B3GNT4: variants seen among roughly 807,000 people sequenced by gnomAD.
The protein encoded by B3GNT4 is UDP-GlcNAc:betaGal beta-1,3-N-acetylglucosaminyltransferase 4.
A neutral mutation model predicts 2.7 loss-of-function variants in B3GNT4; 2 were observed. The ratio of observed to expected loss-of-function variants is 0.73; its 90% CI spans 0.30 to 2.31. The LOEUF is 2.31. Ranked by LOEUF, B3GNT4 falls within the 30% of genes most tolerant of loss-of-function variation. The pLI is 0.12. For synonymous variants in B3GNT4, 280 were observed against 203.4 expected, an observed-to-expected ratio of 1.38 and a Z score of -3.20; for missense variants, 708 against 490.9, an observed-to-expected ratio of 1.44 and a Z score of -4.18.
chr12:122,207,744 G>GA lies in B3GNT4; in HGVS notation c.*356_*357insA. On this transcript the variant is annotated 3_prime_UTR_variant, in exon 3 of 3. Transcript: ENST00000324189. ...TCTCCTTTGGATACAATAGAGAAACGGAAAGAAAGGAAGGAACAAGAGGCC... is the reference window on the plus strand; with the variant it reads ...TCTCCTTTGGATACAATAGAGAAACGAGAAAGAAAGGAAGGAACAAGAGGCC... 2.0e-6 allele frequency: 1 copy of GA among 490,128 alleles called. No homozygotes were observed. 30.4% of individuals were successfully genotyped at this position (490,128 alleles called of 1,614,324 possible).
intron 2 of B3GNT4, 95 bp downstream of exon 2, chr12:122,204,779 C>A: frequency 9.0e-7 from 1 of 1,109,954 alleles, no homozygotes; most frequent in Non-Finnish European, 1.3e-6. Flanking sequence ...GTGGCTCACG[C>A]CTGTAGTCCC....
Position 122,207,009 on chromosome 12 carries a change from A to G in B3GNT4, c.758A>G (p.Asn253Ser), listed in dbSNP as rs759462178. 4.3e-6 allele frequency: 7 copies of G among 1,614,002 alleles called. 1 individual carries two copies. The Admixed American group carries it at 1.2e-4, about 27-fold the overall frequency. Residue 253 changes from asparagine to serine, a missense_variant, in exon 3 of 3, where the codon AAC becomes AGC. Physicochemically the swap from Asn to Ser is conservative, Grantham distance 46. Transcript: ENST00000324189. ...GATGTCATCCGCCAAGCCCTGCCCA[A>G]CAGGAACACTAAGGTCAAATACTTC... ...VGDVIRQALP[N>S]RNTKVKYFIP...
rs140444368 is a variant in B3GNT4, at chr12:122,206,924, G to A, written c.673G>A (p.Val225Ile). The stretch of plus-strand genomic sequence containing the variant: ...GGGAGATGACGATGTCTTTGTCCAC[G>A]TCCCCAACGTGTTAGAGTTCCTGGA... Reference protein sequence around the residue: ...LKGDDDVFVHVPNVLEFLDGW... With the variant: ...LKGDDDVFVHIPNVLEFLDGW... The change falls in exon 3 of 3, where the codon GTC becomes ATC. Residue 225 changes from valine (V) to isoleucine (I), a missense_variant. Val to Ile is a conservative substitution (Grantham distance 29). Coordinates refer to ENST00000324189, the MANE Select transcript of B3GNT4 (RefSeq NM_030765.4). The A allele has an allele frequency of 6.2e-5, 100 of 1,613,910 alleles. No individual in the cohort carries two copies. The highest frequency in any genetic ancestry group is 7.9e-5 in the Non-Finnish European group (93 of 1,180,016).
In B3GNT4 at chr12:122,206,688, G is replaced by GA. The variant is rs1593160698; in HGVS notation, c.438dup (p.Trp147MetfsTer3). ...CGCAGCACGTGGGGCAGGGTGGGGG[G>GA]ATGGGCTAGGGGCCGGCAGCTGAAG... On this transcript the variant is annotated frameshift_variant, in exon 3 of 3. Coordinates refer to ENST00000324189, the MANE Select transcript of B3GNT4 (RefSeq NM_030765.4). LOFTEE classifies it low-confidence loss of function (END_TRUNC). The GA allele has an allele frequency of 6.2e-7, 1 of 1,612,582 alleles. No individual in the cohort carries two copies. The highest frequency in any genetic ancestry group is 1.1e-5 in the South Asian group (1 of 91,038).
In B3GNT4 at chr12:122,208,433, T is replaced by C. The variant is rs761328867; in HGVS notation, c.*1045T>C. The C allele has an allele frequency of 6.2e-7, 1 of 1,613,836 alleles. No individual in the cohort carries two copies. Among genetic ancestry groups the C allele is most frequent in the Non-Finnish European group, 8.5e-7 (1 of 1,179,986 alleles). On this transcript the variant is annotated 3_prime_UTR_variant, in exon 3 of 3. Coordinates refer to ENST00000324189, the MANE Select transcript of B3GNT4 (RefSeq NM_030765.4). ...CTCCGACTCAGCCCGCTCCTCCCCTTCCTCCTGTGTTTTCTGACGGAGCTC... is the reference window on the plus strand; with the variant it reads ...CTCCGACTCAGCCCGCTCCTCCCCTCCCTCCTGTGTTTTCTGACGGAGCTC...
chr12:122,204,818 T>C, intron 2 of B3GNT4, 134 bp downstream of exon 2: 1 of 720,308 alleles, frequency 1.4e-6, no homozygotes, highest in Non-Finnish European at 2.3e-6. Flanking sequence ...GGCGGGAGGA[T>C]CGCTTGAGGC....
Position 122,206,348 on chromosome 12 carries a change from C to A in B3GNT4, c.97C>A (p.Leu33Met). 6.3e-7 allele frequency: 1 copy of A among 1,594,692 alleles called. No homozygotes were observed. Among genetic ancestry groups the A allele is most frequent in the Non-Finnish European group, 8.5e-7 (1 of 1,170,796 alleles). The change falls in exon 3 of 3, where the codon CTG (leucine) becomes ATG (methionine). Residue 33 changes from leucine (L) to methionine (M), a missense_variant. Physicochemically the swap from Leu to Met is conservative, Grantham distance 15. Coordinates refer to ENST00000324189, the MANE Select transcript of B3GNT4 (RefSeq NM_030765.4). ...GGCGATGCTCTGCAGGCTGTGCTGGCTGGTCTCGTACAGCTTGGCTGTGCT... is the reference window on the plus strand; with the variant it reads ...GGCGATGCTCTGCAGGCTGTGCTGGATGGTCTCGTACAGCTTGGCTGTGCT... Reference protein sequence around the residue: ...GPAMLCRLCWLVSYSLAVLLL... With the variant: ...GPAMLCRLCWMVSYSLAVLLL...
Position 122,208,914 on chromosome 12 carries a change from C to A in B3GNT4, c.*1526C>A. 1 of 388,714 alleles carries A rather than the reference C, an allele frequency of 2.6e-6. No homozygotes were observed. The allele number at this position is 388,714 out of a possible 1,614,324, so 24.1% of individuals were successfully genotyped here. On this transcript the variant is annotated 3_prime_UTR_variant, in exon 3 of 3. Transcript: ENST00000324189. The stretch of plus-strand genomic sequence containing the variant: ...CTACACATCTTCCATTTCTTTTTGA[C>A]AAAGAGATCATGAATAAAATTGTCA...
intron 1 of B3GNT4, among the ~76,000 whole-genome samples, chr12:122,204,029 G>A (rs1213875548): frequency 6.6e-6 from 1 of 151,856 alleles, no homozygotes; most frequent in Non-Finnish European, 1.5e-5. Flanking sequence ...TGGGGACAGA[G>A]GCTGGAGCCG....
Position 122,206,502 on chromosome 12 carries a change from G to T in B3GNT4, c.251G>T (p.Ser84Ile), listed in dbSNP as rs528837547. Residue 84 changes from serine (S) to isoleucine (I), a missense_variant, in exon 3 of 3, where the codon AGC (serine) becomes ATC (isoleucine). Coordinates refer to ENST00000324189, the MANE Select transcript of B3GNT4 (RefSeq NM_030765.4). ...SRCPPNHTVS[S>I]ASLSLPSRHR... is the part of the protein sequence containing the mutation. Reference sequence around the variant, plus strand: ...TGTCCACCCAACCACACAGTGTCTAGCGCCTCTCTGTCCCTGCCTAGCCGT... The same window carrying T: ...TGTCCACCCAACCACACAGTGTCTATCGCCTCTCTGTCCCTGCCTAGCCGT... The T allele has an allele frequency of 2.7e-4, 443 of 1,614,188 alleles. 5 individuals are homozygous for T. In the South Asian group the frequency reaches 4.4e-3, roughly 16 times the overall value.
Position 122,206,687 on chromosome 12 carries a change from G to C in B3GNT4, c.436G>C (p.Gly146Arg). 1.2e-6 allele frequency: 2 copies of C among 1,612,662 alleles called. No homozygotes were observed. Among genetic ancestry groups the C allele is most frequent in the Middle Eastern group, 3.3e-4 (2 of 6,056 alleles). ...CCGCAGCACGTGGGGCAGGGTGGGG[G>C]GATGGGCTAGGGGCCGGCAGCTGAA... The part of the protein sequence containing the change: ...AIRSTWGRVG[G>R]WARGRQLKLV... Residue 146 changes from glycine (G) to arginine (R), a missense_variant, in exon 3 of 3, where the codon GGA (glycine) becomes CGA (arginine). Physicochemically the swap from Gly to Arg is moderately radical, Grantham distance 125 (BLOSUM62 -2). Coordinates refer to ENST00000324189, the MANE Select transcript of B3GNT4 (RefSeq NM_030765.4).
intron 2 of B3GNT4, 59 bp from the exon 3 acceptor site, chr12:122,206,259 C>T: frequency 2.1e-6 from 3 of 1,419,242 alleles, no homozygotes; most frequent in Non-Finnish European, 2.8e-6. Context: ...AACTCCTGCC[C>T]AACTCTTGGG....
At position 122,208,914 on chromosome 12, in the gene B3GNT4, CAAAG is replaced by C. The variant is rs1489560652; in HGVS notation, c.*1528_*1531del. 2.8e-5 allele frequency: 11 copies of C among 388,596 alleles called. No individual in the cohort carries two copies. Among genetic ancestry groups the C allele is most frequent in the Admixed American group, 2.8e-4 (8 of 28,584 alleles). 24.1% of individuals were successfully genotyped at this position (388,596 alleles called of 1,614,324 possible). ...CTACACATCTTCCATTTCTTTTTGA[CAAAG>C]AGATCATGAATAAAATTGTCAAAGA... On this transcript the variant is annotated 3_prime_UTR_variant, in exon 3 of 3. Transcript: ENST00000324189.
chr12:122,207,674 A>G lies in B3GNT4; in HGVS notation c.*286A>G, dbSNP rs1231549847. Reference sequence around the variant, plus strand: ...GAAGGAGGCTGCATAGGACCCCAGGAGAGACGCATTTTCTCTTTCAGATGC... The same window carrying G: ...GAAGGAGGCTGCATAGGACCCCAGGGGAGACGCATTTTCTCTTTCAGATGC... On this transcript the variant is annotated 3_prime_UTR_variant, in exon 3 of 3. Transcript: ENST00000324189. 1.4e-5 allele frequency: 9 copies of G among 630,312 alleles called. No homozygotes were observed. Among genetic ancestry groups the G allele is most frequent in the South Asian group, 4.6e-5 (3 of 65,842 alleles). 39.0% of individuals were successfully genotyped at this position (630,312 alleles called of 1,614,324 possible). A position where few individuals can be genotyped will look rare whatever the true frequency, so the allele number is the denominator to read the frequency against.
chr12:122,207,249 C>A lies in B3GNT4; in HGVS notation c.998C>A (p.Pro333His), dbSNP rs777020107. Residue 333 changes from proline (P) to histidine (H), a missense_variant, in exon 3 of 3, where the codon CCC (proline) becomes CAC (histidine). Coordinates refer to ENST00000324189, the MANE Select transcript of B3GNT4 (RefSeq NM_030765.4). Reference sequence around the variant, plus strand: ...TTCAAGACATTTGGAATCCGGCGGCCCCTGGACCCCTTAGACCCCTGCCTG... The same window carrying A: ...TTCAAGACATTTGGAATCCGGCGGCACCTGGACCCCTTAGACCCCTGCCTG... The part of the protein sequence containing the change: ...AGFKTFGIRR[P>H]LDPLDPCLYR... The A allele has an allele frequency of 1.9e-6, 3 of 1,614,138 alleles. No homozygotes were observed. In the East Asian group the frequency reaches 6.7e-5, roughly 36 times the overall value.
intron 2 of B3GNT4, chr12:122,205,586 G>A (rs890224607): frequency 1.1e-4 from 17 of 152,540 alleles, no homozygotes; most frequent in African/African-American, 4.1e-4. Flanking sequence ...CCACACTGGT[G>A]GATTCTGTCT....
chr12:122,207,200 C>T lies in B3GNT4; in HGVS notation c.949C>T (p.Leu317=). 6.2e-7 allele frequency: 1 copy of T among 1,614,022 alleles called. No individual in the cohort carries two copies. Among genetic ancestry groups the T allele is most frequent in the Non-Finnish European group, 8.5e-7 (1 of 1,179,992 alleles). The change falls in exon 3 of 3, where the codon CTG becomes TTG. Residue 317 remains leucine, a synonymous_variant. Coordinates refer to ENST00000324189, the MANE Select transcript of B3GNT4 (RefSeq NM_030765.4). The part of the protein sequence containing the change: ...FVGMCLRRLG[L]SPMHHAGFKT... ...GGGTATGTGCCTGAGGCGGCTGGGG[C>T]TGAGCCCTATGCACCATGCTGGCTT...
In B3GNT4 at chr12:122,207,191, C is replaced by A. The variant is rs4758675; in HGVS notation, c.940C>A (p.Arg314=). The stretch of plus-strand genomic sequence containing the variant: ...TGTCTTTGTGGGTATGTGCCTGAGG[C>A]GGCTGGGGCTGAGCCCTATGCACCA... ...DDVFVGMCLR[R]LGLSPMHHAG... The change falls in exon 3 of 3, where the codon CGG becomes AGG. Residue 314 remains arginine, a synonymous_variant. Coordinates refer to ENST00000324189, the MANE Select transcript of B3GNT4 (RefSeq NM_030765.4). 1 allele frequency: 1,612,113 copies of A among 1,614,042 alleles called. 805,111 individuals are homozygous for A. Among genetic ancestry groups the A allele is most frequent in the East Asian group, 1 (44,871 of 44,872 alleles).
At chr12:122,204,257 C>T (rs1007847386) in intron 1 of B3GNT4, among the ~76,000 whole-genome samples, 1 of 151,970 alleles carries the variant, frequency 6.6e-6, no homozygotes, top group Non-Finnish European at 1.5e-5. Flanking sequence ...CGCCCAAGGC[C>T]GAGCGCAGCC....
Sources: allele counts gnomAD v4.1 joint callset (sites outside exome capture counted in the v4.1 genomes callset), GRCh38; gene constraint gnomAD v4.1.1; transcripts MANE v1.5; gene names NCBI Gene and HGNC (gene_info 2026-07-23, HGNC 2026-07-21).